CLEC17A: variants seen among roughly 807,000 people sequenced by gnomAD.
CLEC17A encodes C-type lectin domain containing 17A, also known as C-type lectin domain family 17, member A.
A neutral mutation model predicts 61.3 loss-of-function variants in CLEC17A; 37 were observed. The ratio of observed to expected loss-of-function variants is 0.60; its 90% CI spans 0.46 to 0.79. The LOEUF is 0.79. Among genes scored for constraint, CLEC17A ranks in the 30% least tolerant of loss-of-function variants. The pLI, the probability that CLEC17A is intolerant of heterozygous loss-of-function variation, is 0.00. For synonymous variants in CLEC17A, 168 were observed against 164.9 expected (o/e 1.02, Z -0.14); for missense variants, 418 against 464.7 (o/e 0.90, Z 0.92).
rs759406532 is a variant in CLEC17A at position 14,594,648 on chromosome 19, AC to A, written c.332del (p.Pro111HisfsTer9). ...PPRAAKETEKPPLPCKPRNMT... is the reference protein window; with the variant it reads ...PPRAAKETEKXPLPCKPRNMT... ...CCTCCTCAGCAAAGGAAACAGAGAA[AC>A]CCCCACTTCCTTGCAAGCCCCGGAA... is the stretch of plus-strand genomic sequence containing the variant. On this transcript the variant is annotated frameshift_variant, in exon 6 of 14. Transcript: ENST00000417570. LOFTEE classifies it high-confidence loss of function. 1.2e-6 allele frequency: 2 copies of A among 1,613,342 alleles called. No homozygotes were observed. The highest frequency in any genetic ancestry group is 1.7e-6 in the Non-Finnish European group (2 of 1,179,770).
At chr19:14,592,958 G>C (rs1373122778) in intron 4 of CLEC17A, among the ~76,000 whole-genome samples, 1 of 152,032 alleles carries the variant, frequency 6.6e-6, no homozygotes, top group East Asian at 1.9e-4. Flanking sequence ...GAGCCACCAC[G>C]CCTGGCCGAG....
Position 14,610,228 on chromosome 19 carries a change from GAGTGTCTCTTTGAGATGAGA to G in CLEC17A, c.*34_*53del, listed in dbSNP as rs1213257261. 1 of 1,547,412 alleles carries G rather than the reference GAGTGTCTCTTTGAGATGAGA, an allele frequency of 6.5e-7. No individual in the cohort carries two copies. The highest frequency in any genetic ancestry group is 1.4e-5 in the African/African-American group (1 of 73,226). On this transcript the variant is annotated 3_prime_UTR_variant, in exon 14 of 14. Coordinates refer to ENST00000417570, the MANE Select transcript of CLEC17A (RefSeq NM_001204118.2). ...GGGCCGAGGCTGGGGGTCCATATCT[GAGTGTCTCTTTGAGATGAGA>G]ATCTCCTGCCCTTTCGTGGACGGCC...
At chr19:14,582,622 T>A (rs572933905), upstream of CLEC17A, among the ~76,000 whole-genome samples, 15 of 151,980 alleles carry the variant, frequency 9.9e-5, no homozygotes, top group Non-Finnish European at 1.8e-4. Flanking sequence ...TTTATTTATT[T>A]ATTGAGACAG....
rs529378327 is a variant in CLEC17A, at chr19:14,586,279, T to C, written c.122-1335T>C. 2.9e-3 allele frequency among the ~76,000 whole-genome samples: 447 copies of C among 152,186 alleles called. 3 individuals are homozygous for C. The highest frequency in any genetic ancestry group is 0.014 in the Middle Eastern group (4 of 294). ...CAGCGGGATTACAGGCATGTGCCAC[T>C]GTGCCCGGCTAATTTTGTATTTTTA... On this transcript the variant is annotated intron_variant, in intron 2 of 13. Coordinates refer to ENST00000417570, the MANE Select transcript of CLEC17A (RefSeq NM_001204118.2).
chr19:14,597,052 G>C (rs1389272876), intron 9 of CLEC17A, 39 bp downstream of exon 9: 5 of 1,611,650 alleles, frequency 3.1e-6, no homozygotes, highest in Non-Finnish European at 4.2e-6. Context: ...AGAGATTGGG[G>C]AGGGTGCACA....
intron 4 of CLEC17A, 48 bp from the exon 5 acceptor site, chr19:14,594,469 G>A (rs1024528992): frequency 2.3e-5 from 35 of 1,550,824 alleles, no homozygotes; most frequent in African/African-American, 8.2e-5. Flanking sequence ...TCCTCTTGGC[G>A]CATTCCCATC....
intron 10 of CLEC17A, 127 bp from the exon 11 acceptor site, chr19:14,599,590 A>T: frequency 1.4e-6 from 1 of 739,718 alleles, no homozygotes; most frequent in Admixed American, 2.0e-5. Context: ...CGCAAGCGTG[A>T]CCCACTGGAA....
At chr19:14,598,412 TTCC>T (rs1351975225) in intron 10 of CLEC17A, among the ~76,000 whole-genome samples, 3 of 151,018 alleles carry the variant, frequency 2.0e-5, no homozygotes, top group African/African-American at 7.3e-5. Flanking sequence ...CCTTCCTTCC[TTCC>T]TTTCTTCTCT....
chr19:14,604,695 G>A (rs1396244312), intron 12 of CLEC17A, among the ~76,000 whole-genome samples: 1 of 151,872 alleles, frequency 6.6e-6, no homozygotes, highest in East Asian at 1.9e-4. Flanking sequence ...CCTGCGAGGC[G>A]GAGGGTGCAG....
chr19:14,606,403 A>G (rs10408659), intron 12 of CLEC17A, among the ~76,000 whole-genome samples: 28,848 of 149,834 alleles, frequency 0.19, 2,860 homozygotes, highest in Non-Finnish European at 0.22. Flanking sequence ...ATTAGGCTGG[A>G]TGTGGTAGCT....
At chr19:14,594,284 A>G (rs2074491684) in intron 4 of CLEC17A, among the ~76,000 whole-genome samples, 1 of 152,100 alleles carries the variant, frequency 6.6e-6, no homozygotes, top group Admixed American at 6.6e-5. Flanking sequence ...CTCAAAAAAT[A>G]TAAAATAAAA....
At chr19:14,596,296 G>T (rs1261906946) in intron 8 of CLEC17A, among the ~76,000 whole-genome samples, 4 of 152,056 alleles carry the variant, frequency 2.6e-5, no homozygotes, top group African/African-American at 9.7e-5. Context: ...TGGGAATAAT[G>T]CTTATAACCT....
chr19:14,597,077 C>G, intron 9 of CLEC17A, 22 bp from the exon 10 acceptor site: 1 of 1,612,532 alleles, frequency 6.2e-7, no homozygotes, highest in Non-Finnish European at 8.5e-7. Context: ...GACCTGGGCT[C>G]AATTTGGACT....
intron 13 of CLEC17A, among the ~76,000 whole-genome samples, chr19:14,608,421 C>A (rs549771839): frequency 6.6e-6 from 1 of 152,238 alleles, no homozygotes; most frequent in South Asian, 2.1e-4. Flanking sequence ...TCCTTGCAGT[C>A]CAAGCTGATA....
In CLEC17A at chr19:14,599,079, C is replaced by CTTTTTTTTTTTT. The variant is rs796835309; in HGVS notation, c.647-623_647-612dup. ...CAACATACTTGCCTCTGTATCTTTG[C>CTTTTTTTTTTTT]TTTTTTTTTTTTTTTTTTTTTTTTT... On this transcript the variant is annotated intron_variant, in intron 10 of 13. Transcript: ENST00000417570. Among the ~76,000 whole-genome samples, 9 of 56,944 alleles carry CTTTTTTTTTTTT rather than the reference C, an allele frequency of 1.6e-4. 2 individuals are homozygous for CTTTTTTTTTTTT. Among genetic ancestry groups the CTTTTTTTTTTTT allele is most frequent in the East Asian group, 4.2e-4 (1 of 2,376 alleles). 37.4% of individuals were successfully genotyped at this position (56,944 alleles called of 152,430 possible).
chr19:14,596,318 A>G (rs2074551562), intron 8 of CLEC17A, among the ~76,000 whole-genome samples: 1 of 152,068 alleles, frequency 6.6e-6, no homozygotes, highest in Non-Finnish European at 1.5e-5. Context: ...CATCATAAGG[A>G]TGAGACTCCA....
In CLEC17A at chr19:14,597,114, A is replaced by G; in HGVS notation, c.599A>G (p.Glu200Gly). ...TTCTTCATAGACCAGGAGTTGATGG[A>G]AGAACTGAGAATGTTAAGCTTTCAG... ...VTLIKYQELM[E>G]ELRMLSFQQM... Residue 200 changes from glutamate (E) to glycine (G), a missense_variant, in exon 10 of 14, where the codon GAA becomes GGA. Coordinates refer to ENST00000417570, the MANE Select transcript of CLEC17A (RefSeq NM_001204118.2). The G allele has an allele frequency of 6.2e-7, 1 of 1,613,244 alleles. No homozygotes were observed. Among genetic ancestry groups the G allele is most frequent in the Non-Finnish European group, 8.5e-7 (1 of 1,179,618 alleles).
At chr19:14,584,594 A>C (rs71334710) in intron 2 of CLEC17A, among the ~76,000 whole-genome samples, 4 of 151,156 alleles carry the variant, frequency 2.6e-5, no homozygotes, top group Middle Eastern at 3.2e-3. Context: ...TCTGAGTCCA[A>C]AGTGGGGCCA....
intron 8 of CLEC17A, among the ~76,000 whole-genome samples, chr19:14,595,967 A>T (rs950191537): frequency 7.6e-3 from 1 of 132 alleles, no homozygotes; most frequent in Non-Finnish European, 0.014. Context: ...ATTGTTGACA[A>T]TGACAATGTT....
Sources: allele counts gnomAD v4.1 joint callset (sites outside exome capture counted in the v4.1 genomes callset), GRCh38; gene constraint gnomAD v4.1.1; transcripts MANE v1.5; gene names NCBI Gene and HGNC (gene_info 2026-07-23, HGNC 2026-07-21).